The following CHP1 variants were observed in gnomAD, a reference collection of about 807,000 sequenced individuals.
The protein encoded by CHP1 is calcineurin B homologous protein 1.
CHP1 carries 11 observed loss-of-function variants against 27.4 expected under a neutral mutation model. That is an observed-to-expected ratio of 0.40 (90% CI 0.25 to 0.67). The LOEUF (loss-of-function observed/expected upper bound fraction) is 0.67, where lower values mean the gene tolerates loss of function less well. Ranked by LOEUF, CHP1 falls within the 30% of genes least tolerant of loss-of-function variation. CHP1 has a pLI of 0.38. For missense variants in CHP1, 169 were observed against 251.3 expected (o/e 0.67, Z 2.22); for synonymous variants, 89 against 87.4 (o/e 1.02, Z -0.10).
At chr15:41,247,205 C>T (rs763606894) in intron 2 of CHP1, among the ~76,000 whole-genome samples, 3 of 151,284 alleles carry the variant, frequency 2.0e-5, no homozygotes, top group Non-Finnish European at 4.4e-5. Context: ...ACCATCTTTA[C>T]GAAAAATACA....
Position 41,270,769 on chromosome 15 carries a change from A to G in CHP1, c.411+151A>G, listed in dbSNP as rs550555464. The G allele has an allele frequency of 1.9e-4, 118 of 621,830 alleles. 2 individuals are homozygous for G. In the East Asian group the frequency reaches 3.3e-3, roughly 17 times the overall value. 38.5% of individuals were successfully genotyped at this position (621,830 alleles called of 1,614,324 possible). On this transcript the variant is annotated intron_variant, in intron 5 of 6. Coordinates refer to ENST00000334660, the MANE Select transcript of CHP1 (RefSeq NM_007236.5). ...TATAAGACAAAGGAGATGACCTGGG[A>G]AAACTTGAAATGGCTCATTGTGTTT...
intron 3 of CHP1, among the ~76,000 whole-genome samples, chr15:41,259,247 G>T (rs2047418876): frequency 6.6e-6 from 1 of 152,086 alleles, no homozygotes; most frequent in Non-Finnish European, 1.5e-5. Flanking sequence ...CTTTTTTTCA[G>T]AATTCCTTAG....
intron 4 of CHP1, among the ~76,000 whole-genome samples, chr15:41,268,372 C>T (rs766793073): frequency 2.6e-5 from 4 of 151,596 alleles, no homozygotes; most frequent in Non-Finnish European, 5.9e-5. Context: ...GCTGTCTGGG[C>T]GCAGTGGCTC....
chr15:41,268,056 C>T lies in CHP1; in HGVS notation c.350-2501C>T, dbSNP rs2047470804. 1.3e-5 allele frequency among the ~76,000 whole-genome samples: 2 copies of T among 151,872 alleles called. 1 individual carries two copies. The highest frequency in any genetic ancestry group is 4.1e-4 in the South Asian group (2 of 4,830). On this transcript the variant is annotated intron_variant, in intron 4 of 6. Coordinates refer to ENST00000334660, the MANE Select transcript of CHP1 (RefSeq NM_007236.5). The stretch of plus-strand genomic sequence containing the variant: ...CAGGTACTATTTTAGGCCCAGGATA[C>T]AGTGATGAATAAATCAGGTAAGGCC...
intron 4 of CHP1, 32 bp downstream of exon 4, chr15:41,262,915 C>T: frequency 6.2e-7 from 1 of 1,607,790 alleles, no homozygotes; most frequent in Non-Finnish European, 8.5e-7. Flanking sequence ...GCTTAAAATA[C>T]TTGCTTTTCA....
intron 5 of CHP1, among the ~76,000 whole-genome samples, chr15:41,278,007 G>A (rs749203449): frequency 4.0e-5 from 6 of 151,530 alleles, no homozygotes; most frequent in Non-Finnish European, 5.9e-5. Flanking sequence ...AAAAGGTACA[G>A]TAAAAATATG....
chr15:41,276,862 G>C (rs544909563), intron 5 of CHP1, among the ~76,000 whole-genome samples: 1 of 152,290 alleles, frequency 6.6e-6, no homozygotes, highest in South Asian at 2.1e-4. Context: ...GTCCAGGCTG[G>C]TACAGTACCT....
intron 2 of CHP1, among the ~76,000 whole-genome samples, chr15:41,248,742 C>T (rs2047348911): frequency 6.6e-6 from 1 of 152,038 alleles, no homozygotes; most frequent in African/African-American, 2.4e-5. Flanking sequence ...AGTGAAACCC[C>T]GTCTCTACAA....
chr15:41,239,162 A>G (rs1281367038), intron 1 of CHP1, among the ~76,000 whole-genome samples: 1 of 152,082 alleles, frequency 6.6e-6, no homozygotes, highest in Non-Finnish European at 1.5e-5. Context: ...CTTTTTGTTA[A>G]CAAAATTACT....
chr15:41,270,267 G>A (rs1323937033), intron 4 of CHP1, among the ~76,000 whole-genome samples: 2 of 138,862 alleles, frequency 1.4e-5, no homozygotes, highest in African/African-American at 5.8e-5. Context: ...GGAGTGTTTT[G>A]GGGGGGGGCG....
intron 2 of CHP1, among the ~76,000 whole-genome samples, chr15:41,249,223 A>G (rs972491364): frequency 2.0e-5 from 3 of 152,112 alleles, no homozygotes; most frequent in African/African-American, 7.2e-5. Flanking sequence ...TCTATTGCCC[A>G]GGCTTGATTG....
chr15:41,247,712 C>T (rs1486306699), intron 2 of CHP1, among the ~76,000 whole-genome samples: 2 of 150,960 alleles, frequency 1.3e-5, no homozygotes, highest in Non-Finnish European at 3.0e-5. Context: ...GTGGTTCACG[C>T]CTGTAATCCC....
intron 4 of CHP1, among the ~76,000 whole-genome samples, chr15:41,267,896 T>C (rs1018002594): frequency 2.1e-5 from 3 of 139,816 alleles, no homozygotes; most frequent in Non-Finnish European, 4.5e-5. Context: ...ATTGCACCAC[T>C]GCACTCCAGT....
chr15:41,245,156 C>T (rs2140926216), intron 2 of CHP1, among the ~76,000 whole-genome samples: 1 of 152,268 alleles, frequency 6.6e-6, no homozygotes, highest in African/African-American at 2.4e-5. Context: ...AATTATATGG[C>T]CCTCTCATAA....
At chr15:41,273,658 T>C (rs1163023051) in intron 5 of CHP1, among the ~76,000 whole-genome samples, 2 of 151,686 alleles carry the variant, frequency 1.3e-5, no homozygotes, top group African/African-American at 2.4e-5. Context: ...GTGAGCCAGC[T>C]TGCCTGGCCT....
At chr15:41,246,128 C>T (rs984303918) in intron 2 of CHP1, among the ~76,000 whole-genome samples, 1 of 152,018 alleles carries the variant, frequency 6.6e-6, no homozygotes, top group East Asian at 1.9e-4. Flanking sequence ...GTAATTTTAG[C>T]TCCAATACTT....
intron 1 of CHP1, among the ~76,000 whole-genome samples, chr15:41,242,246 T>C (rs2047310348): frequency 6.6e-6 from 1 of 152,154 alleles, no homozygotes; most frequent in Non-Finnish European, 1.5e-5. Flanking sequence ...AGAAAAGAGG[T>C]TGATCTTTAT....
In CHP1 at chr15:41,271,403, G is replaced by A. The variant is rs576480991; in HGVS notation, c.411+785G>A. On this transcript the variant is annotated intron_variant, in intron 5 of 6. Coordinates refer to ENST00000334660, the MANE Select transcript of CHP1 (RefSeq NM_007236.5). Reference sequence around the variant, plus strand: ...AGATCGTGCCACTGCACTCCAGCCTGAGCGACAAGAGTGAAACTCCATCCC... The same window carrying A: ...AGATCGTGCCACTGCACTCCAGCCTAAGCGACAAGAGTGAAACTCCATCCC... Among the ~76,000 whole-genome samples the A allele has an allele frequency of 2.6e-5, 4 of 152,232 alleles. No homozygotes were observed. In the East Asian group the frequency reaches 7.7e-4, roughly 29 times the overall value.
At chr15:41,269,546 C>A (rs2047478513) in intron 4 of CHP1, among the ~76,000 whole-genome samples, 3 of 152,116 alleles carry the variant, frequency 2.0e-5, no homozygotes, top group African/African-American at 7.2e-5. Context: ...TCCCCAGCTG[C>A]ACCAGAAAGC....
Sources: allele counts gnomAD v4.1 joint callset (sites outside exome capture counted in the v4.1 genomes callset), GRCh38; gene constraint gnomAD v4.1.1; transcripts MANE v1.5; gene names NCBI Gene and HGNC (gene_info 2026-07-23, HGNC 2026-07-21).